GABRG2: variants seen among roughly 807,000 people sequenced by gnomAD.
The protein encoded by GABRG2 is gamma-aminobutyric acid receptor subunit gamma-2.
A neutral mutation model predicts 56.4 loss-of-function variants in GABRG2; 16 were observed. The ratio of observed to expected loss-of-function variants is 0.28; its 90% confidence interval spans 0.19 to 0.43. The LOEUF is 0.43. Among genes scored for constraint, GABRG2 ranks in the 20% least tolerant of loss-of-function variants. The pLI is 1.00. For synonymous variants in GABRG2, 208 were observed against 205.5 expected (o/e 1.01, Z -0.10); for missense variants, 327 against 582.7 (o/e 0.56, Z 4.52).
chr5:162,094,259 A>G (rs1760835398), intron 2 of GABRG2: 1 of 427,694 alleles, frequency 2.3e-6, no homozygotes, highest in South Asian at 2.4e-5. Context: ...GAAAAAAAAA[A>G]CAATGACCCC....
intron 6 of GABRG2, among the ~76,000 whole-genome samples, chr5:162,126,057 T>C (rs1398413175): frequency 6.6e-6 from 1 of 151,894 alleles, no homozygotes; most frequent in Non-Finnish European, 1.5e-5. Flanking sequence ...TCTAGAGAAA[T>C]TTAAGAAACT....
At chr5:162,142,022 G>A (rs537335111) in intron 6 of GABRG2, 142 bp from the exon 7 acceptor site, 19 of 1,063,306 alleles carry the variant, frequency 1.8e-5, no homozygotes, top group Middle Eastern at 3.0e-4. Flanking sequence ...TAACCCAAGC[G>A]GGCAAAAATA....
chr5:162,101,377 T>A (rs2113353454), intron 5 of GABRG2, 60 bp downstream of exon 5: 1 of 1,117,552 alleles, frequency 8.9e-7, no homozygotes, highest in African/African-American at 1.5e-5. Context: ...CTGATTGCCA[T>A]GTTAATTAAT....
chr5:162,067,895 GT>G lies in GABRG2; in HGVS notation c.-104del. The G allele has an allele frequency of 3.8e-6, 3 of 797,322 alleles. No homozygotes were observed. The highest frequency in any genetic ancestry group is 6.5e-6 in the Non-Finnish European group (3 of 460,826). The allele number at this position is 797,322 out of a possible 1,614,324, so 49.4% of individuals were successfully genotyped here. On this transcript the variant is annotated 5_prime_UTR_variant, in exon 1 of 10. Coordinates refer to ENST00000639213, the MANE Select transcript of GABRG2 (RefSeq NM_198904.4). ...CCAGTGAAGGACCTACTAGAGGCAG[GT>G]GGGGGGAGCCACCATCAGATCATAA...
At chr5:162,083,515 C>T (rs1209971645) in intron 1 of GABRG2, 1 of 188,306 alleles carries the variant, frequency 5.3e-6, no homozygotes, top group African/African-American at 2.4e-5. Flanking sequence ...AAACTTTCTT[C>T]TTACCCACAT....
intron 7 of GABRG2, among the ~76,000 whole-genome samples, chr5:162,147,350 T>C (rs1302111631): frequency 6.6e-6 from 1 of 151,448 alleles, no homozygotes; most frequent in Admixed American, 6.6e-5. Context: ...TTCCTTCCTC[T>C]GTCTCTCTTT....
intron 2 of GABRG2, chr5:162,094,417 T>C (rs1264599389): frequency 5.1e-6 from 1 of 194,916 alleles, no homozygotes; most frequent in African/African-American, 2.4e-5. Flanking sequence ...AGAGATATAC[T>C]AATCTATGCT....
intron 6 of GABRG2, among the ~76,000 whole-genome samples, chr5:162,107,270 T>C (rs1356578075): frequency 1.3e-5 from 2 of 152,156 alleles, no homozygotes; most frequent in Non-Finnish European, 1.5e-5. Context: ...ATAAGGACCA[T>C]AATTGGAAAA....
At chr5:162,145,608 C>G (rs1169606397) in intron 7 of GABRG2, among the ~76,000 whole-genome samples, 1 of 152,184 alleles carries the variant, frequency 6.6e-6, no homozygotes, top group African/African-American at 2.4e-5. Flanking sequence ...CTTCAAGAGT[C>G]TACTTCTACA....
chr5:162,104,067 A>C (rs780766313), intron 6 of GABRG2, 41 bp downstream of exon 6: 2 of 1,611,056 alleles, frequency 1.2e-6, no homozygotes, highest in South Asian at 1.1e-5. Context: ...ACCCTTCCAG[A>C]GTTGAAATTT....
At chr5:162,081,501 A>G (rs1304873823) in intron 1 of GABRG2, among the ~76,000 whole-genome samples, 2 of 151,930 alleles carry the variant, frequency 1.3e-5, no homozygotes, top group South Asian at 2.1e-4. Context: ...AACAACAACA[A>G]CAACTACAAA....
In GABRG2 at chr5:162,077,254, A is replaced by C. The variant is rs544038442; in HGVS notation, c.107+9148A>C. Among the ~76,000 whole-genome samples the C allele has an allele frequency of 2.0e-5, 3 of 152,224 alleles. No individual in the cohort carries two copies. The South Asian group carries it at 6.2e-4, about 32-fold the overall frequency. ...ATATTTTTCTGTTGCACAACTTCAT[A>C]ATAATGAAATTAACAATGTGCTTTA... On this transcript the variant is annotated intron_variant, in intron 1 of 9. Transcript: ENST00000639213.
intron 6 of GABRG2, among the ~76,000 whole-genome samples, chr5:162,121,394 G>C (rs997254326): frequency 6.6e-6 from 1 of 152,064 alleles, no homozygotes; most frequent in African/African-American, 2.4e-5. Context: ...AGTGTGATTT[G>C]TATATGAATG....
intron 6 of GABRG2, among the ~76,000 whole-genome samples, chr5:162,129,669 A>G (rs1763588735): frequency 1.3e-5 from 2 of 151,926 alleles, no homozygotes; most frequent in African/African-American, 4.8e-5. Flanking sequence ...TTCTTGCTCA[A>G]CATTATAAAG....
At chr5:162,104,132 A>T in intron 6 of GABRG2, 106 bp downstream of exon 6, 2 of 1,014,372 alleles carry the variant, frequency 2.0e-6, no homozygotes, top group South Asian at 2.6e-5. Context: ...GATAATCAGA[A>T]AATTAAATGA....
intron 5 of GABRG2, chr5:162,102,302 T>G (rs1232128607): frequency 3.9e-6 from 1 of 254,486 alleles, no homozygotes; most frequent in Non-Finnish European, 8.0e-6. Context: ...AGCTTCCCTG[T>G]GCTTTAGAGA....
chr5:162,082,592 C>A (rs1193182569), intron 1 of GABRG2, among the ~76,000 whole-genome samples: 3 of 151,518 alleles, frequency 2.0e-5, no homozygotes, highest in Non-Finnish European at 3.0e-5. Flanking sequence ...CAATATGGAA[C>A]TTTTTTAAAA....
intron 1 of GABRG2, among the ~76,000 whole-genome samples, chr5:162,078,984 A>G (rs939339734): frequency 6.7e-6 from 1 of 150,162 alleles, no homozygotes; most frequent in Non-Finnish European, 1.5e-5. Flanking sequence ...AATTAAATTT[A>G]TTTAATTTGT....
chr5:162,149,662 G>A (rs1765222747), intron 8 of GABRG2: 1 of 607,584 alleles, frequency 1.6e-6, no homozygotes, highest in African/African-American at 1.8e-5. Context: ...TGCTCAGGCT[G>A]GAGTGCAGTG....
Sources: allele counts gnomAD v4.1 joint callset (sites outside exome capture counted in the v4.1 genomes callset), GRCh38; gene constraint gnomAD v4.1.1; transcripts MANE v1.5; gene names NCBI Gene and HGNC (gene_info 2026-07-23, HGNC 2026-07-21).